The following CORO1C variants were observed in gnomAD, a reference collection of about 807,000 sequenced individuals.
CORO1C encodes coronin-1C.
In CORO1C, 14 loss-of-function variants were observed where a neutral mutation model predicts 51.2. That is an observed-to-expected ratio of 0.27 (90% CI 0.18 to 0.43). CORO1C has a LOEUF of 0.43. Among genes scored for constraint, CORO1C ranks in the 20% least tolerant of loss-of-function variants. The probability of loss-of-function intolerance (pLI) is 1.00; values close to 1 mark genes in which losing one functional copy is unlikely to be tolerated. For synonymous variants in CORO1C, 181 were observed against 210.5 expected (o/e 0.86, Z 1.21); for missense variants, 417 against 607.8 (o/e 0.69, Z 3.30).
intron 2 of CORO1C, among the ~76,000 whole-genome samples, chr12:108,688,975 G>C (rs1275953944): frequency 1.3e-5 from 2 of 150,546 alleles, no homozygotes; most frequent in Admixed American, 6.7e-5. Flanking sequence ...AGGTTGCAGT[G>C]AGCTGAGAGC....
intron 3 of CORO1C, among the ~76,000 whole-genome samples, chr12:108,666,623 C>A (rs2033488867): frequency 6.6e-6 from 1 of 152,152 alleles, no homozygotes; most frequent in Non-Finnish European, 1.5e-5. Context: ...AACAGAAGCA[C>A]CACTTGGTAC....
chr12:108,721,801 A>T (rs116338080), intron 1 of CORO1C, among the ~76,000 whole-genome samples: 2,011 of 152,272 alleles, frequency 0.013, 40 homozygotes, highest in African/African-American at 0.046. Flanking sequence ...GGCCATTATA[A>T]GATGCCCCAA....
intron 1 of CORO1C, among the ~76,000 whole-genome samples, chr12:108,726,839 G>A (rs190980155): frequency 6.6e-6 from 1 of 152,216 alleles, no homozygotes; most frequent in Admixed American, 6.5e-5. Context: ...GAGACTGTGC[G>A]CCAGTCATTA....
intron 3 of CORO1C, among the ~76,000 whole-genome samples, chr12:108,667,715 C>G (rs954075121): frequency 7.9e-5 from 12 of 152,150 alleles, no homozygotes; most frequent in African/African-American, 2.9e-4. Context: ...AAAAAAATGA[C>G]ATTCAGTTCC....
At chr12:108,660,074 G>T (rs1293497172) in intron 4 of CORO1C, among the ~76,000 whole-genome samples, 2 of 152,216 alleles carry the variant, frequency 1.3e-5, no homozygotes, top group Non-Finnish European at 2.9e-5. Flanking sequence ...CCTAGAGGTG[G>T]ATTCTTGCCA....
At chr12:108,702,821 C>T in intron 1 of CORO1C, 1 of 1,532,142 alleles carries the variant, frequency 6.5e-7, no homozygotes, top group Non-Finnish European at 8.7e-7. Flanking sequence ...GTGAAAGTGG[C>T]CTCTCTCCAA....
At chr12:108,647,608 G>T in intron 10 of CORO1C, 86 bp from the exon 11 acceptor site, 2 of 1,000,730 alleles carry the variant, frequency 2.0e-6, no homozygotes, top group South Asian at 1.6e-5. Context: ...ATAAAATGTA[G>T]TTTTCTATTT....
chr12:108,689,781 T>C (rs2034432935), intron 2 of CORO1C, among the ~76,000 whole-genome samples: 1 of 152,244 alleles, frequency 6.6e-6, no homozygotes, highest in Admixed American at 6.5e-5. Context: ...AAAATGAGTA[T>C]CAAAATCACT....
chr12:108,647,207 C>T lies in CORO1C; in HGVS notation c.*196G>A, dbSNP rs1032917394. 1.3e-5 allele frequency: 6 copies of T among 460,278 alleles called. No homozygotes were observed. The highest frequency in any genetic ancestry group is 2.0e-5 in the African/African-American group (1 of 50,130). The allele number at this position is 460,278 out of a possible 1,614,324, so 28.5% of individuals were successfully genotyped here. A position where few individuals can be genotyped will look rare whatever the true frequency, so the allele number is the denominator to read the frequency against. ...GATAAAAAGCTCAGCTTTTAAATCACGTTTTGTTTCTGCAAATTTGGGAGA... is the reference window on the plus strand; with the variant it reads ...GATAAAAAGCTCAGCTTTTAAATCATGTTTTGTTTCTGCAAATTTGGGAGA... On this transcript the variant is annotated 3_prime_UTR_variant, in exon 11 of 11. Transcript: ENST00000261401.
chr12:108,649,000 C>G lies in CORO1C; in HGVS notation c.1022G>C (p.Arg341Thr). 1.2e-6 allele frequency: 2 copies of G among 1,614,202 alleles called. No individual in the cohort carries two copies. Among genetic ancestry groups the G allele is most frequent in the Non-Finnish European group, 1.7e-6 (2 of 1,180,040 alleles). ...EIARFFKLHE[R>T]KCEPIIMTVP... ...AGTCATAATAATAGGTTCACACTTT[C>G]TCTCATGAAGTTTGAAGAATCTTCA... is the stretch of plus-strand genomic sequence containing the variant. Residue 341 changes from arginine to threonine, a missense_variant, in exon 9 of 11, where the codon AGA (arginine) becomes ACA (threonine). Transcript: ENST00000261401.
intron 1 of CORO1C, among the ~76,000 whole-genome samples, chr12:108,705,854 T>C (rs148774211): frequency 9.9e-5 from 15 of 151,922 alleles, no homozygotes; most frequent in South Asian, 2.1e-4. Context: ...ATTATATCAA[T>C]AGAAGAAAAA....
At chr12:108,714,521 G>A (rs2035275078) in intron 1 of CORO1C, among the ~76,000 whole-genome samples, 1 of 151,192 alleles carries the variant, frequency 6.6e-6, no homozygotes, top group Non-Finnish European at 1.5e-5. Flanking sequence ...GTTCACACCT[G>A]TATTCCCAGC....
At chr12:108,730,700 C>T (rs1049506534) in intron 1 of CORO1C, 2 of 153,652 alleles carry the variant, frequency 1.3e-5, no homozygotes, top group African/African-American at 2.4e-5. Context: ...CCCCTCCCAA[C>T]CCCCAGCCAG....
At chr12:108,721,010 G>A (rs1355674577) in intron 1 of CORO1C, among the ~76,000 whole-genome samples, 1 of 152,174 alleles carries the variant, frequency 6.6e-6, no homozygotes, top group African/African-American at 2.4e-5. Context: ...ACCAAAAAAT[G>A]TAAGATATCC....
chr12:108,716,045 C>A (rs1000654191), intron 1 of CORO1C, among the ~76,000 whole-genome samples: 11 of 138,070 alleles, frequency 8.0e-5, no homozygotes, highest in Non-Finnish European at 1.4e-4. Flanking sequence ...GCAGGAGAAT[C>A]GCTTGAACCC....
At chr12:108,674,864 G>A (rs918933573) in intron 3 of CORO1C, among the ~76,000 whole-genome samples, 8 of 152,284 alleles carry the variant, frequency 5.3e-5, no homozygotes, top group Middle Eastern at 3.4e-3. Context: ...GAACACTGTT[G>A]AAATGACAAC....
At chr12:108,715,051 T>A (rs754239353) in intron 1 of CORO1C, among the ~76,000 whole-genome samples, 1 of 151,940 alleles carries the variant, frequency 6.6e-6, no homozygotes, top group Non-Finnish European at 1.5e-5. Flanking sequence ...TAACACATAA[T>A]GAACCTGAAG....
rs1374657855 is a variant in CORO1C, at chr12:108,645,130, T to C, written c.*2273A>G. 3 of 151,476 alleles carry C rather than the reference T, an allele frequency of 2.0e-5. No individual in the cohort carries two copies. Among genetic ancestry groups the C allele is most frequent in the African/African-American group, 7.3e-5 (3 of 41,134 alleles). 9.4% of individuals were successfully genotyped at this position (151,476 alleles called of 1,614,324 possible). A position where few individuals can be genotyped will look rare whatever the true frequency, so the allele number is the denominator to read the frequency against. ...ACCATTTTGTAATCAATGATTTTTATCTCTGAAAATGGAAGCAAGTGTTTT... is the reference window on the plus strand; with the variant it reads ...ACCATTTTGTAATCAATGATTTTTACCTCTGAAAATGGAAGCAAGTGTTTT... On this transcript the variant is annotated 3_prime_UTR_variant, in exon 11 of 11. Coordinates refer to ENST00000261401, the MANE Select transcript of CORO1C (RefSeq NM_014325.4).
intron 3 of CORO1C, among the ~76,000 whole-genome samples, chr12:108,675,346 A>G (rs988095612): frequency 1.3e-5 from 2 of 152,168 alleles, no homozygotes; most frequent in African/African-American, 4.8e-5. Flanking sequence ...AGACTCAAAG[A>G]CTATGATGGT....
Sources: allele counts gnomAD v4.1 joint callset (sites outside exome capture counted in the v4.1 genomes callset), GRCh38; gene constraint gnomAD v4.1.1; transcripts MANE v1.5; gene names NCBI Gene and HGNC (gene_info 2026-07-23, HGNC 2026-07-21).